Variants in TTC23L observed in about 807,000 individuals in gnomAD.
TTC23L encodes tetratricopeptide repeat domain 23 like, also known as tetratricopeptide repeat protein 23-like.
In TTC23L, 42 loss-of-function variants were observed where a neutral mutation model predicts 48.1. The observed-to-expected ratio is 0.87, with a 90% confidence interval of 0.68 to 1.13. The LOEUF is 1.13. Ranked by LOEUF, TTC23L falls within the 50% of genes most tolerant of loss-of-function variation. The pLI, the probability that TTC23L is intolerant of heterozygous loss-of-function variation, is 0.00. For synonymous variants in TTC23L, 159 were observed against 157.2 expected, an observed-to-expected ratio of 1.01 and a Z score of -0.09; for missense variants, 391 against 421.0, an observed-to-expected ratio of 0.93 and a Z score of 0.62.
chr5:34,888,564 A>T (rs891226140), intron 9 of TTC23L: 26 of 971,280 alleles, frequency 2.7e-5, no homozygotes, highest in South Asian at 4.8e-5. Flanking sequence ...GCCATCAGCC[A>T]TGTCATCAAT....
At chr5:34,910,733 G>A in the TTC23L span, among the ~76,000 whole-genome samples, 3 of 151,864 alleles carry the variant, frequency 2.0e-5, no homozygotes, top group Admixed American at 2.0e-4. Context: ...TTTACAGCCG[G>A]GCCTGTAATT....
At chr5:34,857,362 G>T (rs1254839290) in intron 4 of TTC23L, among the ~76,000 whole-genome samples, 1 of 152,176 alleles carries the variant, frequency 6.6e-6, no homozygotes, top group Non-Finnish European at 1.5e-5. Context: ...AATCTTCCAG[G>T]TACTGGGGCT....
the TTC23L span, chr5:34,908,691 C>G: frequency 7.6e-7 from 1 of 1,319,808 alleles, no homozygotes; most frequent in African/African-American, 1.5e-5. Flanking sequence ...TATGAAATGA[C>G]AAAGAGTACT....
chr5:34,908,223 G>A, the TTC23L span: 2 of 146,874 alleles, frequency 1.4e-5, no homozygotes, highest in Non-Finnish European at 3.0e-5. Context: ...GCCTAGGCTG[G>A]AGTGCAATGG....
At position 34,864,052 on chromosome 5, in the gene TTC23L, G is replaced by A. The variant is rs1395994824; in HGVS notation, c.537-385G>A. On this transcript the variant is annotated intron_variant, in intron 5 of 10. Coordinates refer to ENST00000505624, the Ensembl canonical transcript of TTC23L. ...TTGCTTGGACTTTCTAAATGACCCAGAAAGTTCCTTTCAGCGTAATTAGTT... is the reference window on the plus strand; with the variant it reads ...TTGCTTGGACTTTCTAAATGACCCAAAAAGTTCCTTTCAGCGTAATTAGTT... 2.6e-5 allele frequency among the ~76,000 whole-genome samples: 4 copies of A among 152,318 alleles called. No homozygotes were observed. In the East Asian group the frequency reaches 7.7e-4, roughly 29 times the overall value.
chr5:34,848,349 A>T (rs983429775), intron 3 of TTC23L, among the ~76,000 whole-genome samples: 1 of 152,192 alleles, frequency 6.6e-6, no homozygotes, highest in Non-Finnish European at 1.5e-5. Flanking sequence ...TATTTTCCCC[A>T]ACCCATCTTT....
At chr5:34,914,978 G>A in the TTC23L span, 1 of 1,446,096 alleles carries the variant, frequency 6.9e-7, no homozygotes, top group Non-Finnish European at 9.5e-7. Context: ...GGATTAGACA[G>A]TAAAACTCCC....
intron 4 of TTC23L, among the ~76,000 whole-genome samples, chr5:34,854,858 G>A (rs981041552): frequency 6.6e-6 from 1 of 152,164 alleles, no homozygotes; most frequent in Non-Finnish European, 1.5e-5. Flanking sequence ...AACTACCTGG[G>A]GACATAACTA....
Position 34,864,687 on chromosome 5 carries a change from AT to A in TTC23L, c.662+128del, listed in dbSNP as rs1207110331. 2.5e-6 allele frequency: 3 copies of A among 1,223,084 alleles called. No individual in the cohort carries two copies. The African/African-American group carries it at 4.5e-5, about 18-fold the overall frequency. 75.8% of individuals were successfully genotyped at this position (1,223,084 alleles called of 1,614,324 possible). On this transcript the variant is annotated intron_variant, in intron 6 of 10. Coordinates refer to ENST00000505624, the Ensembl canonical transcript of TTC23L. ...TCAAATGATAATAAAAGAGGCTCAT[AT>A]TTACCAAATGGATACACTGGGCATT...
chr5:34,841,115 CTGTT>C (rs1758632197), intron 2 of TTC23L, among the ~76,000 whole-genome samples: 1 of 152,142 alleles, frequency 6.6e-6, no homozygotes, highest in Non-Finnish European at 1.5e-5. Context: ...GCTATAATAT[CTGTT>C]TGTATTTACA....
the TTC23L span, chr5:34,918,513 T>A: frequency 8.8e-7 from 1 of 1,141,556 alleles, no homozygotes; most frequent in Non-Finnish European, 1.2e-6. Flanking sequence ...TTTCTATCTA[T>A]AAACTTACCT....
intron 3 of TTC23L, among the ~76,000 whole-genome samples, chr5:34,846,935 C>G (rs187552045): frequency 4.8e-4 from 73 of 151,824 alleles, no homozygotes; most frequent in Middle Eastern, 3.4e-3. Flanking sequence ...AAGAGCAAGT[C>G]AAAGACTTGA....
chr5:34,840,647 T>G lies in TTC23L; in HGVS notation c.-7-18T>G. The G allele has an allele frequency of 6.2e-7, 1 of 1,612,278 alleles. No individual in the cohort carries two copies. The highest frequency in any genetic ancestry group is 8.5e-7 in the Non-Finnish European group (1 of 1,178,332). ...CCAGCCTTTTCTCTCAAAGCTGACC[T>G]TACCTGATTCTTGGTAGGAAGAAGA... On this transcript the variant is annotated intron_variant, in intron 1 of 10. Transcript: ENST00000505624.
At chr5:34,878,374 A>T (rs937213232) in intron 8 of TTC23L, among the ~76,000 whole-genome samples, 1 of 152,190 alleles carries the variant, frequency 6.6e-6, no homozygotes, top group African/African-American at 2.4e-5. Flanking sequence ...AAATAAACTA[A>T]GATATCTTTA....
chr5:34,925,049 G>T, the TTC23L span: 1 of 1,538,096 alleles, frequency 6.5e-7, no homozygotes, highest in Non-Finnish European at 8.7e-7. Context: ...TGAAGTAATT[G>T]CTGTTTTATT....
At chr5:34,913,230 T>A in the TTC23L span, among the ~76,000 whole-genome samples, 37 of 152,282 alleles carry the variant, frequency 2.4e-4, no homozygotes, top group South Asian at 7.3e-3. Flanking sequence ...CCAGTTCGAA[T>A]TTACAATCCC....
chr5:34,912,781 C>A, the TTC23L span, among the ~76,000 whole-genome samples: 1 of 152,160 alleles, frequency 6.6e-6, no homozygotes, highest in Non-Finnish European at 1.5e-5. Flanking sequence ...GGGCAGATCA[C>A]CTGAGGTCAG....
the TTC23L span, chr5:34,914,877 G>A: frequency 2.5e-6 from 4 of 1,614,004 alleles, no homozygotes; most frequent in Admixed American, 1.7e-5. Flanking sequence ...TGGATCTGTT[G>A]GGTCAGAAGG....
At chr5:34,913,548 C>G in the TTC23L span, 1 of 1,600,494 alleles carries the variant, frequency 6.2e-7, no homozygotes, top group Non-Finnish European at 8.5e-7. Context: ...ACAGACTCTT[C>G]CTGAACTTTA....
Sources: allele counts gnomAD v4.1 joint callset (sites outside exome capture counted in the v4.1 genomes callset), GRCh38; gene constraint gnomAD v4.1.1; transcripts MANE v1.5; gene names NCBI Gene and HGNC (gene_info 2026-07-23, HGNC 2026-07-21).